The following EGFR variants were observed in gnomAD, a reference collection of about 807,000 sequenced individuals.
EGFR encodes epidermal growth factor receptor.
Under a neutral mutation model 143.0 loss-of-function variants are expected in EGFR, and 58 were observed. The observed-to-expected ratio is 0.41, with a 90% CI of 0.33 to 0.50. The LOEUF is 0.50. Among genes scored for constraint, EGFR ranks in the 20% least tolerant of loss-of-function variants. The pLI is 0.39. For missense variants in EGFR, 1,307 were observed against 1,579.0 expected, an observed-to-expected ratio of 0.83 and a Z score of 2.92; for synonymous variants, 613 against 594.4, an observed-to-expected ratio of 1.03 and a Z score of -0.45.
At chr7:55,177,196 A>T (rs1584230836) in intron 19 of EGFR, among the ~76,000 whole-genome samples, 1 of 152,114 alleles carries the variant, frequency 6.6e-6, no homozygotes, top group Non-Finnish European at 1.5e-5. Context: ...CCTGCAGCTC[A>T]GGCTGCCCAG....
In EGFR at chr7:55,205,653, T is replaced by C; in HGVS notation, c.*36T>C. On this transcript the variant is annotated 3_prime_UTR_variant, in exon 28 of 28. Transcript: ENST00000275493. ...TAGTATGAGCCCTAAAAATCCAGACTCTTTCGATACCCAGGACCAAGCCAC... is the reference window on the plus strand; with the variant it reads ...TAGTATGAGCCCTAAAAATCCAGACCCTTTCGATACCCAGGACCAAGCCAC... The C allele has an allele frequency of 1.2e-6, 2 of 1,613,924 alleles. No individual in the cohort carries two copies. The highest frequency in any genetic ancestry group is 1.7e-6 in the Non-Finnish European group (2 of 1,179,920).
At position 55,161,582 on chromosome 7, in the gene EGFR, A is replaced by G. The variant is rs762336338; in HGVS notation, c.1582A>G (p.Asn528Asp). ...PEPRDCVSCRNVSRGRECVDK... is the reference protein window; with the variant it reads ...PEPRDCVSCRDVSRGRECVDK... ...GCCCAGGGACTGCGTCTCTTGCCGG[A>G]ATGTCAGCCGAGGCAGGGAATGCGT... The change falls in exon 13 of 28, where the codon AAT (asparagine) becomes GAT (aspartate). Residue 528 changes from asparagine (N) to aspartate (D), a missense_variant. Asn to Asp is a conservative substitution (Grantham distance 23). This residue lies in a region of EGFR where 250 missense variants were observed against 295.1 expected (regional missense o/e 0.85). Transcript: ENST00000275493. 1.2e-6 allele frequency: 2 copies of G among 1,614,234 alleles called. No homozygotes were observed. The highest frequency in any genetic ancestry group is 4.5e-5 in the East Asian group (2 of 44,890).
At chr7:55,108,291 G>A (rs1303458139) in intron 1 of EGFR, among the ~76,000 whole-genome samples, 3 of 152,204 alleles carry the variant, frequency 2.0e-5, no homozygotes, top group South Asian at 4.1e-4. Flanking sequence ...ACTCATGTTC[G>A]GAACTGTCCA....
chr7:55,164,123 T>G (rs1235630066), intron 14 of EGFR, among the ~76,000 whole-genome samples: 1 of 152,244 alleles, frequency 6.6e-6, no homozygotes, highest in South Asian at 2.1e-4. Context: ...CCTGACCTAG[T>G]CAGCATTGCT....
chr7:55,051,792 C>T (rs1788507033), intron 1 of EGFR, among the ~76,000 whole-genome samples: 3 of 152,216 alleles, frequency 2.0e-5, no homozygotes, highest in Admixed American at 6.5e-5. Flanking sequence ...CACCCACTGG[C>T]TCACACAGAC....
At position 55,142,212 on chromosome 7, in the gene EGFR, C is replaced by T. The variant is rs560894964; in HGVS notation, c.89-74C>T. The stretch of plus-strand genomic sequence containing the variant: ...GAAACTGCTACCCTTAATACCTGGA[C>T]CTTGAGGGATTGTTTTATTTTAGTT... On this transcript the variant is annotated intron_variant, in intron 1 of 27. Transcript: ENST00000275493. The T allele has an allele frequency of 1.9e-6, 3 of 1,575,962 alleles. No homozygotes were observed. The Admixed American group carries it at 5.0e-5, about 26-fold the overall frequency.
chr7:55,151,959 G>A (rs1024867203), intron 5 of EGFR, among the ~76,000 whole-genome samples: 1 of 152,224 alleles, frequency 6.6e-6, no homozygotes, highest in Non-Finnish European at 1.5e-5. Context: ...CACTTTCCCA[G>A]GAATGGAAGA....
At chr7:55,132,120 T>C (rs1485568538) in intron 1 of EGFR, among the ~76,000 whole-genome samples, 1 of 152,082 alleles carries the variant, frequency 6.6e-6, no homozygotes, top group Non-Finnish European at 1.5e-5. Context: ...GAGATGGCTT[T>C]AAATCGCAAT....
At chr7:55,169,953 G>A (rs1463346594) in intron 15 of EGFR, among the ~76,000 whole-genome samples, 6 of 152,188 alleles carry the variant, frequency 3.9e-5, no homozygotes, top group Non-Finnish European at 7.3e-5. Flanking sequence ...CATTCAGCAG[G>A]CAGGGAGAGA....
chr7:55,204,393 CAT>C (rs1234944752), intron 27 of EGFR, among the ~76,000 whole-genome samples: 3 of 149,996 alleles, frequency 2.0e-5, no homozygotes, highest in African/African-American at 7.4e-5. Flanking sequence ...CATGCATAAA[CAT>C]ATAGACATAT....
chr7:55,194,629 G>A (rs200595210), intron 22 of EGFR, among the ~76,000 whole-genome samples: 1 of 152,260 alleles, frequency 6.6e-6, no homozygotes, highest in Middle Eastern at 3.4e-3. Context: ...CAACTCTCCC[G>A]TCCACCAGGT....
intron 11 of EGFR, 79 bp downstream of exon 11, chr7:55,157,832 A>C (rs557122566): frequency 1.4e-6 from 2 of 1,382,974 alleles, no homozygotes; most frequent in South Asian, 2.4e-5. Context: ...GAGAGTTGCT[A>C]AGATAGGGCA....
intron 19 of EGFR, among the ~76,000 whole-genome samples, chr7:55,179,280 T>C (rs1786745631): frequency 6.6e-6 from 1 of 152,246 alleles, no homozygotes; most frequent in South Asian, 2.1e-4. Context: ...GGTTTGTTCA[T>C]ATGGAAGGCT....
intron 20 of EGFR, among the ~76,000 whole-genome samples, chr7:55,185,633 C>A (rs536678749): frequency 0.017 from 2,546 of 152,326 alleles, 79 homozygotes; most frequent in African/African-American, 0.058. Context: ...ATGCAGATTA[C>A]AGTCTCACAG....
Position 55,207,125 on chromosome 7 carries a change from G to T in EGFR, c.*1508G>T, listed in dbSNP as rs1356375515. 2 of 232,572 alleles carry T rather than the reference G, an allele frequency of 8.6e-6. No homozygotes were observed. The highest frequency in any genetic ancestry group is 1.7e-5 in the Non-Finnish European group (2 of 117,794). 14.4% of individuals were successfully genotyped at this position (232,572 alleles called of 1,614,324 possible). A position where few individuals can be genotyped will look rare whatever the true frequency, so the allele number is the denominator to read the frequency against. ...GTAAACAGTGTTTTAAACTCTCCTA[G>T]TCAATATCCACCCCATCCAATTTAT... is the stretch of plus-strand genomic sequence containing the variant. On this transcript the variant is annotated 3_prime_UTR_variant, in exon 28 of 28. Transcript: ENST00000275493.
chr7:55,177,569 C>T (rs1170872528), intron 19 of EGFR, among the ~76,000 whole-genome samples: 9 of 152,296 alleles, frequency 5.9e-5, no homozygotes, highest in South Asian at 2.1e-4. Flanking sequence ...TAAGGCTGGA[C>T]GTACACCTCT....
intron 1 of EGFR, among the ~76,000 whole-genome samples, chr7:55,099,782 A>C (rs1388921231): frequency 6.6e-6 from 1 of 152,020 alleles, no homozygotes; most frequent in Non-Finnish European, 1.5e-5. Context: ...TTTCACAATC[A>C]CTTCCAGTGT....
intron 1 of EGFR, among the ~76,000 whole-genome samples, chr7:55,061,601 G>A (rs559137394): frequency 1.2e-4 from 17 of 145,126 alleles, no homozygotes; most frequent in African/African-American, 3.6e-4. Context: ...CACGGATGAC[G>A]GTCTCCAGGG....
At chr7:55,048,088 T>C (rs1421624346) in intron 1 of EGFR, among the ~76,000 whole-genome samples, 1 of 152,198 alleles carries the variant, frequency 6.6e-6, no homozygotes, top group Admixed American at 6.5e-5. Context: ...TATATGTACA[T>C]TACATTAAAT....
Sources: allele counts gnomAD v4.1 joint callset (sites outside exome capture counted in the v4.1 genomes callset), GRCh38; gene constraint gnomAD v4.1.1; regional missense constraint gnomAD v4.1.1; transcripts MANE v1.5; gene names NCBI Gene and HGNC (gene_info 2026-07-23, HGNC 2026-07-21).